NTRK1: variants seen among roughly 807,000 people sequenced by gnomAD.
NTRK1 encodes neurotrophic receptor tyrosine kinase 1, also known as high affinity nerve growth factor receptor.
Under a neutral mutation model 86.8 loss-of-function variants are expected in NTRK1, and 62 were observed. The observed-to-expected ratio is 0.71, with a 90% confidence interval of 0.58 to 0.88. The LOEUF (loss-of-function observed/expected upper bound fraction) is 0.88. Among genes scored for constraint, NTRK1 ranks in the 40% least tolerant of loss-of-function variants. The pLI, the probability that NTRK1 is intolerant of heterozygous loss-of-function variation, is 0.00. For missense variants in NTRK1, 967 were observed against 1,078.4 expected (o/e 0.90, Z 1.45); for synonymous variants, 469 against 456.6 (o/e 1.03, Z -0.35).
At chr1:156,837,360 G>C (rs983409679) in intron 1 of NTRK1, 1 of 152,498 alleles carries the variant, frequency 6.6e-6, no homozygotes, top group African/African-American at 2.4e-5. Context: ...TCCTTATTTG[G>C]CACACATTCA....
chr1:156,871,056 C>T (rs115059492), intron 6 of NTRK1, among the ~76,000 whole-genome samples: 30 of 152,284 alleles, frequency 2.0e-4, no homozygotes, highest in Non-Finnish European at 3.8e-4. Context: ...TGGGCTGAGA[C>T]TCAGTTTGTT....
chr1:156,818,028 A>G (rs1654064139), intron 1 of NTRK1, among the ~76,000 whole-genome samples: 1 of 152,182 alleles, frequency 6.6e-6, no homozygotes, highest in African/African-American at 2.4e-5. Flanking sequence ...TTATCTTCAC[A>G]AACTAAGAAG....
chr1:156,857,191 GTGTGTGTGTGTGTGTGTGTGTGT>G (rs1185698778), upstream of NTRK1, among the ~76,000 whole-genome samples: 1 of 147,694 alleles, frequency 6.8e-6, no homozygotes, highest in African/African-American at 2.6e-5. Context: ...GTGTGTGTGT[GTGTGTGTGTGTGTGTGTGTGTGT>G]ATGTCTGAGC....
intron 3 of NTRK1, among the ~76,000 whole-genome samples, chr1:156,865,589 T>G (rs1655893765): frequency 2.0e-5 from 3 of 152,232 alleles, no homozygotes; most frequent in African/African-American, 4.8e-5. Context: ...CTTCTCTTTT[T>G]CTTTAATTTA....
At chr1:156,871,154 C>G (rs768601341) in intron 6 of NTRK1, among the ~76,000 whole-genome samples, 1 of 152,150 alleles carries the variant, frequency 6.6e-6, no homozygotes, top group African/African-American at 2.4e-5. Flanking sequence ...ACTTGGGATG[C>G]GTGACATCTG....
chr1:156,816,905 C>A, intron 1 of NTRK1: 1 of 445,844 alleles, frequency 2.2e-6, no homozygotes, highest in Non-Finnish European at 4.0e-6. Context: ...CCGGAAGCCA[C>A]GCAGCTGTAG....
At chr1:156,833,639 T>A (rs916198223) in intron 1 of NTRK1, among the ~76,000 whole-genome samples, 47 of 152,192 alleles carry the variant, frequency 3.1e-4, no homozygotes, top group Non-Finnish European at 5.9e-5. Flanking sequence ...AGAAAAATAA[T>A]AACTACCATG....
At chr1:156,875,877 C>A (rs1647871822) in intron 12 of NTRK1, 2 of 1,080,556 alleles carry the variant, frequency 1.9e-6, no homozygotes, top group Admixed American at 4.1e-5. Context: ...TCACAGCTAG[C>A]CCAAACCATG....
Position 156,879,150 on chromosome 1 carries a change from G to T in NTRK1, c.1834G>T (p.Ala612Ser), listed in dbSNP as rs2102924183. The T allele has an allele frequency of 1.9e-6, 3 of 1,613,998 alleles. No homozygotes were observed. Among genetic ancestry groups the T allele is most frequent in the East Asian group, 2.2e-5 (1 of 44,866 alleles). The change falls in exon 15 of 17, where the codon GCT becomes TCT. Residue 612 changes from alanine to serine, a missense_variant. By Grantham distance (99) the Ala-to-Ser change is moderately conservative. Transcript: ENST00000524377. ...CCATGGACCTGATGCCAAGCTGCTG[G>T]CTGGTGGGGAGGATGTGGCTCCAGG... ...RSHGPDAKLLAGGEDVAPGPL... is the reference protein window; with the variant it reads ...RSHGPDAKLLSGGEDVAPGPL...
chr1:156,867,924 C>T (rs943501953), intron 4 of NTRK1, among the ~76,000 whole-genome samples, 180 bp from the exon 5 acceptor site: 6 of 152,316 alleles, frequency 3.9e-5, no homozygotes, highest in African/African-American at 4.8e-5. Context: ...CCGCCCGCCT[C>T]GGCCTCCCAA....
upstream of NTRK1, among the ~76,000 whole-genome samples, chr1:156,859,724 G>A (rs913832335): frequency 3.3e-4 from 50 of 152,258 alleles, no homozygotes; most frequent in African/African-American, 1.2e-3. The surrounding 1 kb of genome is among the most constrained non-coding windows in gnomAD (Gnocchi z 6.2). Context: ...TCCCTGTCTC[G>A]GGGACTTGGG....
At chr1:156,846,012 C>G in intron 2 of NTRK1, 2 of 1,614,094 alleles carry the variant, frequency 1.2e-6, no homozygotes, top group African/African-American at 1.3e-5. Flanking sequence ...TGCCACAGCA[C>G]CAGGTAGTAG....
At position 156,834,084 on chromosome 1, in the gene NTRK1, G is replaced by A. The variant is rs1435144251; in HGVS notation, c.-63-7997G>A. On this transcript the variant is annotated intron_variant, in intron 1 of 16. Transcript: ENST00000392302. The stretch of plus-strand genomic sequence containing the variant: ...AATTATCTCTCTGTGGAAATACCTA[G>A]AGTGGTTTCTGTTTTCCTAAGGGGA... Among the ~76,000 whole-genome samples, 5 of 152,294 alleles carry A rather than the reference G, an allele frequency of 3.3e-5. No homozygotes were observed. The East Asian group carries it at 9.6e-4, about 29-fold the overall frequency.
At chr1:156,815,812 G>A (rs1246921833) in exon 1 of NTRK1, 1 of 1,614,032 alleles carries the variant, frequency 6.2e-7, no homozygotes, top group East Asian at 2.2e-5. Context: ...GTAAGGGAGT[G>A]AGTGGGCAAC....
intron 1 of NTRK1, among the ~76,000 whole-genome samples, chr1:156,827,508 C>T (rs888321245): frequency 1.1e-4 from 16 of 152,108 alleles, no homozygotes; most frequent in Non-Finnish European, 1.8e-4. Flanking sequence ...GTGATCCATA[C>T]ACCTCGGCCT....
At chr1:156,844,375 GA>G (rs1654909952) in intron 2 of NTRK1, 2 of 1,556,292 alleles carry the variant, frequency 1.3e-6, no homozygotes, top group Non-Finnish European at 1.8e-6. Flanking sequence ...TGAGGATGGG[GA>G]GGGATGCGGG....
At position 156,879,419 on chromosome 1, in the gene NTRK1, A is replaced by T; in HGVS notation, c.2046+57A>T. On this transcript the variant is annotated intron_variant, in intron 15 of 16. Coordinates refer to ENST00000524377, the MANE Select transcript of NTRK1 (RefSeq NM_002529.4). The stretch of plus-strand genomic sequence containing the variant: ...TGCATCCAAACTGTAGACACCCTGG[A>T]TCCCAAGACCACTGAGAGCCTGCCC... The T allele has an allele frequency of 1.9e-6, 3 of 1,557,680 alleles. No homozygotes were observed. In the South Asian group the frequency reaches 3.6e-5, roughly 19 times the overall value.
intron 1 of NTRK1, among the ~76,000 whole-genome samples, chr1:156,824,372 C>A (rs1338068345): frequency 6.6e-6 from 1 of 152,146 alleles, no homozygotes; most frequent in East Asian, 1.9e-4. Context: ...TATGGACCCT[C>A]TACCCACCCC....
chr1:156,833,943 C>T (rs1654529738), intron 1 of NTRK1, among the ~76,000 whole-genome samples: 1 of 152,218 alleles, frequency 6.6e-6, no homozygotes, highest in Admixed American at 6.5e-5. Flanking sequence ...CAACTCGCCT[C>T]TTTGTTCCCC....
Sources: allele counts gnomAD v4.1 joint callset (sites outside exome capture counted in the v4.1 genomes callset), GRCh38; gene constraint gnomAD v4.1.1; non-coding constraint Gnocchi (gnomAD v3.1); transcripts MANE v1.5; gene names NCBI Gene and HGNC (gene_info 2026-07-23, HGNC 2026-07-21).